PNKD: variants seen among roughly 807,000 people sequenced by gnomAD.
PNKD encodes the protein probable thioesterase PNKD.
Under a neutral mutation model 45.3 loss-of-function variants are expected in PNKD, and 36 were observed. The ratio of observed to expected loss-of-function variants is 0.80; its 90% CI spans 0.61 to 1.05. PNKD has a LOEUF of 1.05. PNKD is among the 50% of genes least tolerant of loss of function. The pLI, the probability that PNKD is intolerant of heterozygous loss-of-function variation, is 0.00. For synonymous variants in PNKD, 197 were observed against 210.1 expected (o/e 0.94, Z 0.54); for missense variants, 511 against 506.6 (o/e 1.01, Z -0.08).
intron 2 of PNKD, among the ~76,000 whole-genome samples, chr2:218,303,071 C>G (rs1693313046): frequency 6.6e-6 from 1 of 152,186 alleles, no homozygotes; most frequent in Non-Finnish European, 1.5e-5. Context: ...TCCCAAGTAG[C>G]TGGGATTACA....
chr2:218,293,705 C>T (rs553661175), intron 2 of PNKD, among the ~76,000 whole-genome samples: 1 of 151,372 alleles, frequency 6.6e-6, no homozygotes, highest in African/African-American at 2.4e-5. Context: ...GCCTCAGCCT[C>T]CTGAGTAGCT....
At chr2:218,341,674 C>G in intron 6 of PNKD, 48 bp downstream of exon 6, 1 of 1,329,836 alleles carries the variant, frequency 7.5e-7, no homozygotes, top group Non-Finnish European at 1.1e-6. Context: ...GGGCCCTTTC[C>G]CCCACCCCCA....
chr2:218,278,464 C>G, intron 2 of PNKD: 1 of 1,574,408 alleles, frequency 6.4e-7, no homozygotes, highest in Non-Finnish European at 8.7e-7. Context: ...TACTCGGCCC[C>G]CATCCCAATC....
intron 2 of PNKD, among the ~76,000 whole-genome samples, chr2:218,297,662 G>A (rs1328001684): frequency 8.7e-6 from 1 of 115,290 alleles, no homozygotes; most frequent in Non-Finnish European, 1.7e-5. Context: ...TCCAGCCTGG[G>A]CAACAGAAAA....
chr2:218,293,534 C>T (rs1299608573), intron 2 of PNKD, among the ~76,000 whole-genome samples: 1 of 150,704 alleles, frequency 6.6e-6, no homozygotes, highest in Admixed American at 6.6e-5. Flanking sequence ...AAGTGCTTAT[C>T]TCATGTTAAT....
chr2:218,333,743 C>T (rs1167357345), intron 2 of PNKD, among the ~76,000 whole-genome samples: 3 of 152,076 alleles, frequency 2.0e-5, no homozygotes, highest in Non-Finnish European at 2.9e-5. Flanking sequence ...GAAATGAAGA[C>T]AGGAATGGGA....
At chr2:218,282,264 A>T in intron 2 of PNKD, 1 of 810,682 alleles carries the variant, frequency 1.2e-6, no homozygotes, top group South Asian at 2.2e-5. Flanking sequence ...AGCCTTGTCC[A>T]GGCTGCCTCC....
chr2:218,278,744 G>C (rs1484833509), intron 2 of PNKD, among the ~76,000 whole-genome samples: 1 of 152,214 alleles, frequency 6.6e-6, no homozygotes, highest in Non-Finnish European at 1.5e-5. Context: ...TGAAGCACCA[G>C]GCTCCGGCCA....
At chr2:218,275,726 A>G in intron 2 of PNKD, 1 of 1,375,850 alleles carries the variant, frequency 7.3e-7, no homozygotes. Flanking sequence ...CACAGTGCTT[A>G]GGGCCACATT....
At chr2:218,281,964 TG>T in intron 2 of PNKD, 4 of 1,600,536 alleles carry the variant, frequency 2.5e-6, no homozygotes, top group Admixed American at 1.7e-5. Context: ...ATCGGGTGGG[TG>T]GGGGGCATGG....
intron 2 of PNKD, chr2:218,278,406 CTTGTAAG>C: frequency 8.6e-7 from 1 of 1,162,158 alleles, no homozygotes; most frequent in South Asian, 1.3e-5. Flanking sequence ...CTCCTCATTT[CTTGTAAG>C]TTTCCATTCA....
At chr2:218,342,236 GT>G in intron 7 of PNKD, 92 bp downstream of exon 7, 1 of 1,055,554 alleles carries the variant, frequency 9.5e-7, no homozygotes, top group Non-Finnish European at 1.4e-6. Flanking sequence ...TGAAGCCTTA[GT>G]TTTAGCACAG....
chr2:218,294,519 A>G (rs899669384), intron 2 of PNKD, among the ~76,000 whole-genome samples: 1 of 152,102 alleles, frequency 6.6e-6, no homozygotes, highest in Non-Finnish European at 1.5e-5. Context: ...TTGAGATGGA[A>G]TCTCACTCTG....
At chr2:218,275,457 A>C (rs764689536) in intron 2 of PNKD, 1 of 1,607,820 alleles carries the variant, frequency 6.2e-7, no homozygotes, top group Non-Finnish European at 8.5e-7. Context: ...GGATCGGGTG[A>C]AAATGGGGGC....
chr2:218,344,486 T>A lies in PNKD; in HGVS notation c.900T>A (p.Phe300Leu). The change falls in exon 9 of 10, where the codon TTT becomes TTA. Residue 300 changes from phenylalanine to leucine, a missense_variant. Coordinates refer to ENST00000273077, the MANE Select transcript of PNKD (RefSeq NM_015488.5). ...GHEYAEENLG[F>L]AGVVEPENLA... ...AGTATGCAGAGGAGAACCTGGGCTT[T>A]GCAGGTGTGGTGGAGCCCGAGAACC... The A allele has an allele frequency of 6.3e-7, 1 of 1,588,610 alleles. No individual in the cohort carries two copies.
chr2:218,340,822 C>G lies in PNKD; in HGVS notation c.524+36C>G, dbSNP rs1460732025. ...CCCGTCTTCCCTGGCCCACCCTTGT[C>G]CCAGCTGGGCTTGCCAGGACTGGGC... On this transcript the variant is annotated intron_variant, in intron 5 of 9. Transcript: ENST00000273077. This position sits in a 1 kb window ranked among gnomAD's most constrained non-coding sequence, Gnocchi z 4.2. The G allele has an allele frequency of 1.3e-6, 2 of 1,580,156 alleles. No individual in the cohort carries two copies. Among genetic ancestry groups the G allele is most frequent in the Non-Finnish European group, 1.7e-6 (2 of 1,148,948 alleles).
In PNKD at chr2:218,299,210, T is replaced by G. The variant is rs189650471; in HGVS notation, c.236+27661T>G. On this transcript the variant is annotated intron_variant, in intron 2 of 9. Transcript: ENST00000273077. ...CAATGGCAGTGCAATGGCGCGATCTTGGCTCACTGCAACCTCCGCGTCCGA... is the reference window on the plus strand; with the variant it reads ...CAATGGCAGTGCAATGGCGCGATCTGGGCTCACTGCAACCTCCGCGTCCGA... Among the ~76,000 whole-genome samples, 485 of 152,232 alleles carry G rather than the reference T, an allele frequency of 3.2e-3. 2 individuals carry two copies. Among genetic ancestry groups the G allele is most frequent in the African/African-American group, 0.011 (462 of 41,544 alleles).
chr2:218,320,020 G>A (rs2106271590), intron 2 of PNKD, among the ~76,000 whole-genome samples: 1 of 152,370 alleles, frequency 6.6e-6, no homozygotes, highest in South Asian at 2.1e-4. Flanking sequence ...ATTTGAGGAA[G>A]TGTGGCTGGT....
intron 2 of PNKD, among the ~76,000 whole-genome samples, chr2:218,305,301 G>A (rs957369031): frequency 3.3e-5 from 5 of 151,958 alleles, no homozygotes; most frequent in African/African-American, 9.7e-5. Flanking sequence ...AGTGGAGGCC[G>A]CCATTTTTTG....
Sources: gnomAD v4.1 joint callset for allele counts (sites outside exome capture counted in the v4.1 genomes callset) on GRCh38, gnomAD v4.1.1 for gene constraint, Gnocchi (gnomAD v3.1) non-coding constraint, MANE v1.5 for transcripts, NCBI Gene and HGNC (gene_info 2026-07-23, HGNC 2026-07-21) for gene names.